The following MLXIP variants were observed in gnomAD, a reference collection of about 807,000 sequenced individuals.
The protein encoded by MLXIP is MLX-interacting protein.
In MLXIP, 30 loss-of-function variants were observed where a neutral mutation model predicts 87.2. That is an observed-to-expected ratio of 0.34 (90% CI 0.26 to 0.47). MLXIP has a LOEUF of 0.47. Ranked by LOEUF, MLXIP falls within the 20% of genes least tolerant of loss-of-function variation. The probability of loss-of-function intolerance (pLI) is 1.00; values close to 1 mark genes in which losing one functional copy is unlikely to be tolerated. For synonymous variants in MLXIP, 530 were observed against 514.0 expected (o/e 1.03, Z -0.42); for missense variants, 1,002 against 1,240.1 (o/e 0.81, Z 2.88).
At chr12:122,126,443 G>A (rs1952882754) in intron 1 of MLXIP, among the ~76,000 whole-genome samples, 1 of 152,210 alleles carries the variant, frequency 6.6e-6, no homozygotes. Flanking sequence ...AGAGGAGATG[G>A]TGTCGGGGGC....
At chr12:122,131,175 C>G (rs1460105658) in intron 7 of MLXIP, among the ~76,000 whole-genome samples, 2 of 152,090 alleles carry the variant, frequency 1.3e-5, no homozygotes, top group African/African-American at 2.4e-5. Context: ...AGTTCTCCCT[C>G]GAAGCAGCAG....
intron 1 of MLXIP, among the ~76,000 whole-genome samples, chr12:122,099,903 A>G (rs769975171): frequency 6.6e-5 from 10 of 152,132 alleles, no homozygotes; most frequent in Non-Finnish European, 1.0e-4. Context: ...TGGAGACTAC[A>G]TTTCCTCCCC....
intron 1 of MLXIP, among the ~76,000 whole-genome samples, chr12:122,122,949 C>G (rs1044951744): frequency 1.3e-5 from 2 of 151,992 alleles, no homozygotes; most frequent in African/African-American, 4.8e-5. Flanking sequence ...CGCCTCAGCC[C>G]TCCAAGTGCT....
intron 1 of MLXIP, among the ~76,000 whole-genome samples, chr12:122,106,341 A>G (rs2135934637): frequency 6.6e-6 from 1 of 152,280 alleles, no homozygotes; most frequent in Non-Finnish European, 1.5e-5. Context: ...CCTCCATTGC[A>G]CTTCCATACA....
At chr12:122,099,589 A>G (rs1186178587) in intron 1 of MLXIP, among the ~76,000 whole-genome samples, 1 of 152,224 alleles carries the variant, frequency 6.6e-6, no homozygotes, top group Non-Finnish European at 1.5e-5. Flanking sequence ...GTCTGTCCCT[A>G]TCATGTGTAT....
chr12:122,127,851 A>G, intron 2 of MLXIP, 32 bp from the exon 3 acceptor site: 1 of 1,597,940 alleles, frequency 6.3e-7, no homozygotes, highest in Non-Finnish European at 8.6e-7. Flanking sequence ...GGTCTGGATC[A>G]TGGTGCTGAC....
At chr12:122,114,085 T>A (rs1294288236) in intron 1 of MLXIP, among the ~76,000 whole-genome samples, 1 of 151,672 alleles carries the variant, frequency 6.6e-6, no homozygotes. Flanking sequence ...CCTCCCAGGT[T>A]CAAGTGATTC....
rs1320382655 is a variant in MLXIP, at chr12:122,094,803, GGTGTGTTGGTGT to G, written c.413+15555_413+15566del. On this transcript the variant is annotated intron_variant, in intron 1 of 16. Coordinates refer to ENST00000319080, the MANE Select transcript of MLXIP (RefSeq NM_014938.6). ...GGTGTGGGGTGTGTGTTATGTGTGT[GGTGTGTTGGTGT>G]GTGTGTTGGTGTGTGTGGGGTGTGG... is the stretch of plus-strand genomic sequence containing the variant. 8.1e-5 allele frequency among the ~76,000 whole-genome samples: 12 copies of G among 147,348 alleles called. No homozygotes were observed. The South Asian group carries it at 1.1e-3, about 14-fold the overall frequency.
chr12:122,097,228 T>C (rs1454134639), intron 1 of MLXIP, among the ~76,000 whole-genome samples: 5 of 152,246 alleles, frequency 3.3e-5, no homozygotes, highest in Admixed American at 1.3e-4. Flanking sequence ...TGCAATGGTG[T>C]GATCACAGCT....
In MLXIP at chr12:122,129,171, G is replaced by A; in HGVS notation, c.641G>A (p.Arg214His). Reference sequence around the variant, plus strand: ...ACGGAAGGGAAGTACTGGAAGAGCCGCATCGAGATTGTGATCCGGGAGTAT... The same window carrying A: ...ACGGAAGGGAAGTACTGGAAGAGCCACATCGAGATTGTGATCCGGGAGTAT... ...ITTEGKYWKS[R>H]IEIVIREYHK... Residue 214 changes from arginine to histidine, a missense_variant, in exon 4 of 17, where the codon CGC (arginine) becomes CAC (histidine). Transcript: ENST00000319080. 1.2e-6 allele frequency: 2 copies of A among 1,611,288 alleles called. No individual in the cohort carries two copies. The highest frequency in any genetic ancestry group is 1.1e-5 in the South Asian group (1 of 90,226).
Position 122,138,369 on chromosome 12 carries a change from G to A in MLXIP, c.2257-55G>A, listed in dbSNP as rs1953132458. 8 of 1,611,566 alleles carry A rather than the reference G, an allele frequency of 5.0e-6. No homozygotes were observed. The African/African-American group carries it at 9.3e-5, about 19-fold the overall frequency. ...ACGTGCTCCCTGCGTGGTCATTGCT[G>A]GTGGCAGGCCTGCTGGCTGTGGGTG... On this transcript the variant is annotated intron_variant, in intron 13 of 16. Coordinates refer to ENST00000319080, the MANE Select transcript of MLXIP (RefSeq NM_014938.6).
Position 122,135,008 on chromosome 12 carries a change from CA to C in MLXIP, c.1733-215del, listed in dbSNP as rs1199942205. ...TTTTTTTAAAGTTAGTCACAACCTA[CA>C]GTGTGAAAACATGGTCCTGGCCATC... On this transcript the variant is annotated intron_variant, in intron 9 of 16. Transcript: ENST00000319080. This position sits in a 1 kb window ranked among gnomAD's most constrained non-coding sequence, Gnocchi z 5.3. 2 of 557,830 alleles carry C rather than the reference CA, an allele frequency of 3.6e-6. No homozygotes were observed. The highest frequency in any genetic ancestry group is 5.8e-5 in the Admixed American group (2 of 34,420). 34.6% of individuals were successfully genotyped at this position (557,830 alleles called of 1,614,324 possible). A position where few individuals can be genotyped will look rare whatever the true frequency, so the allele number is the denominator to read the frequency against.
intron 1 of MLXIP, among the ~76,000 whole-genome samples, chr12:122,110,014 G>T (rs1037522390): frequency 1.3e-5 from 2 of 152,106 alleles, no homozygotes; most frequent in African/African-American, 4.8e-5. Context: ...CCTGCTCTGG[G>T]TGCCTCTCAT....
rs1387102701 is a variant in MLXIP at position 122,141,948 on chromosome 12, C to T, written c.*136C>T. ...CAACTCTGCCGGCCCACCGTGGCAT[C>T]GGGAGGCCATGCTCAGGTCTGAAGC... On this transcript the variant is annotated 3_prime_UTR_variant, in exon 17 of 17. Coordinates refer to ENST00000319080, the MANE Select transcript of MLXIP (RefSeq NM_014938.6). 87 of 1,364,712 alleles carry T rather than the reference C, an allele frequency of 6.4e-5. No homozygotes were observed. The highest frequency in any genetic ancestry group is 8.1e-5 in the Non-Finnish European group (82 of 1,008,676). 84.5% of individuals were successfully genotyped at this position (1,364,712 alleles called of 1,614,324 possible).
Position 122,079,210 on chromosome 12 carries a change from C to T in MLXIP, c.357C>T (p.His119=), listed in dbSNP as rs747142196. ...TYSFGKTSSC[H]LSIDASLTKL... is the part of the protein sequence containing the mutation. ...GCTTCGGCAAGACTAGCTCCTGCCA[C>T]CTGTCCATCGACGCCTCGCTCACCA... Residue 119 remains histidine (H), a synonymous_variant, in exon 1 of 17, where the codon CAC becomes CAT. Coordinates refer to ENST00000319080, the MANE Select transcript of MLXIP (RefSeq NM_014938.6). 2 of 1,551,372 alleles carry T rather than the reference C, an allele frequency of 1.3e-6. No homozygotes were observed. The highest frequency in any genetic ancestry group is 1.2e-5 in the South Asian group (1 of 84,054).
At position 122,133,337 on chromosome 12, in the gene MLXIP, T is replaced by G; in HGVS notation, c.1093-11T>G. The G allele has an allele frequency of 3.2e-6, 5 of 1,541,896 alleles. No individual in the cohort carries two copies. The highest frequency in any genetic ancestry group is 4.4e-6 in the Non-Finnish European group (5 of 1,143,038). On this transcript the variant is annotated splice_polypyrimidine_tract_variant and intron_variant, in intron 8 of 16. Coordinates refer to ENST00000319080, the MANE Select transcript of MLXIP (RefSeq NM_014938.6). This position sits in a 1 kb window ranked among gnomAD's most constrained non-coding sequence, Gnocchi z 4.9. ...CAGCATTGCTTCCTGGCTCCTTTCT[T>G]CCTTTTTCAGGAGAGCATCCTGCCG...
chr12:122,088,598 T>C (rs1593060424), intron 1 of MLXIP, among the ~76,000 whole-genome samples: 1 of 152,188 alleles, frequency 6.6e-6, no homozygotes, highest in Non-Finnish European at 1.5e-5. Flanking sequence ...TACAAAGAGG[T>C]GGCTGTGGGT....
In MLXIP at chr12:122,133,228, G is replaced by T; in HGVS notation, c.1093-120G>T. 1 of 1,131,876 alleles carries T rather than the reference G, an allele frequency of 8.8e-7. No homozygotes were observed. Among genetic ancestry groups the T allele is most frequent in the Non-Finnish European group, 1.2e-6 (1 of 811,826 alleles). 70.1% of individuals were successfully genotyped at this position (1,131,876 alleles called of 1,614,324 possible). A position where few individuals can be genotyped will look rare whatever the true frequency, so the allele number is the denominator to read the frequency against. Reference sequence around the variant, plus strand: ...GATCAGCAGCCATGGACGTGGAGACGTGGCCTTTGTCCCTCTGTCCCAGCG... The same window carrying T: ...GATCAGCAGCCATGGACGTGGAGACTTGGCCTTTGTCCCTCTGTCCCAGCG... On this transcript the variant is annotated intron_variant, in intron 8 of 16. Coordinates refer to ENST00000319080, the MANE Select transcript of MLXIP (RefSeq NM_014938.6). The surrounding 1 kb of genome is among the most constrained non-coding windows in gnomAD (Gnocchi z 4.9).
intron 1 of MLXIP, among the ~76,000 whole-genome samples, chr12:122,114,019 C>G (rs1349671502): frequency 8.1e-6 from 1 of 123,546 alleles, no homozygotes; most frequent in Non-Finnish European, 1.6e-5. Context: ...GCATTTCACT[C>G]TTGTTGCCCA....
Sources: allele counts gnomAD v4.1 joint callset (sites outside exome capture counted in the v4.1 genomes callset), GRCh38; gene constraint gnomAD v4.1.1; non-coding constraint Gnocchi (gnomAD v3.1); transcripts MANE v1.5; gene names NCBI Gene and HGNC (gene_info 2026-07-23, HGNC 2026-07-21).